Variants in SLC14A2 observed in about 807,000 individuals in gnomAD.
SLC14A2 encodes urea transporter 2.
A neutral mutation model predicts 104.6 loss-of-function variants in SLC14A2; 91 were observed. The ratio of observed to expected loss-of-function variants is 0.87; its 90% CI spans 0.73 to 1.04. The LOEUF is 1.04. Among genes scored for constraint, SLC14A2 ranks in the 50% least tolerant of loss-of-function variants. SLC14A2 has a pLI of 0.00. For missense variants in SLC14A2, 1,189 were observed against 1,156.0 expected (o/e 1.03, Z -0.41); for synonymous variants, 476 against 466.4 (o/e 1.02, Z -0.27).
chr18:45,331,237 A>T (rs1290371152), intron 1 of SLC14A2, among the ~76,000 whole-genome samples: 1 of 152,202 alleles, frequency 6.6e-6, no homozygotes, highest in Non-Finnish European at 1.5e-5. Flanking sequence ...AGTAAAACCT[A>T]AAGCCAAGTC....
At chr18:45,184,993 G>A in the SLC14A2 span, among the ~76,000 whole-genome samples, 8 of 152,146 alleles carry the variant, frequency 5.3e-5, no homozygotes, top group Non-Finnish European at 7.3e-5. Flanking sequence ...AAGGAAGGAC[G>A]TATGTGCTAG....
chr18:45,442,590 CCTTAT>C (rs2086698416), intron 1 of SLC14A2, among the ~76,000 whole-genome samples: 1 of 152,066 alleles, frequency 6.6e-6, no homozygotes, highest in Non-Finnish European at 1.5e-5. Flanking sequence ...TCCATTATAA[CCTTAT>C]CTTAACTCAT....
chr18:45,521,622 T>G (rs556985922), intron 2 of SLC14A2, among the ~76,000 whole-genome samples: 2 of 152,210 alleles, frequency 1.3e-5, no homozygotes, highest in Non-Finnish European at 2.9e-5. Flanking sequence ...TAAAATTACC[T>G]TTCGAGGAAA....
At chr18:45,212,629 C>A (rs538757000), upstream of SLC14A2, among the ~76,000 whole-genome samples, 1 of 152,130 alleles carries the variant, frequency 6.6e-6, no homozygotes, top group African/African-American at 2.4e-5. Flanking sequence ...TATAATCTAA[C>A]GCACATGTGT....
At chr18:45,622,591 A>G (rs1028284272) in intron 1 of SLC14A2, among the ~76,000 whole-genome samples, 2 of 152,182 alleles carry the variant, frequency 1.3e-5, no homozygotes, top group Admixed American at 6.5e-5. Flanking sequence ...GGGTAGGAGC[A>G]CCAGGGCTGA....
the SLC14A2 span, among the ~76,000 whole-genome samples, chr18:45,199,616 T>A: frequency 6.6e-6 from 1 of 152,192 alleles, no homozygotes; most frequent in African/African-American, 2.4e-5. Flanking sequence ...TTTCCTTGAA[T>A]AGGAACCTCT....
chr18:45,173,307 G>A, the SLC14A2 span, among the ~76,000 whole-genome samples: 2 of 152,028 alleles, frequency 1.3e-5, no homozygotes, highest in African/African-American at 4.8e-5. Flanking sequence ...TAGAAGCAAT[G>A]ACAATAACAA....
At chr18:45,354,737 A>G (rs557710029) in intron 1 of SLC14A2, among the ~76,000 whole-genome samples, 1 of 152,288 alleles carries the variant, frequency 6.6e-6, no homozygotes, top group African/African-American at 2.4e-5. Flanking sequence ...AAGTTTTCCA[A>G]ATTTCATGGT....
chr18:45,553,942 A>G (rs2044091369), intron 2 of SLC14A2, among the ~76,000 whole-genome samples: 2 of 152,254 alleles, frequency 1.3e-5, no homozygotes, highest in South Asian at 4.1e-4. Context: ...AACAACAGAA[A>G]GGCAATGGTG....
At chr18:45,542,702 C>G (rs1008795674) in intron 2 of SLC14A2, among the ~76,000 whole-genome samples, 8 of 152,078 alleles carry the variant, frequency 5.3e-5, no homozygotes, top group African/African-American at 1.7e-4. Context: ...AAATCTCTTA[C>G]TTCACAGATG....
chr18:45,244,079 GAGA>G (rs1264080156), intron 1 of SLC14A2, among the ~76,000 whole-genome samples: 3 of 152,220 alleles, frequency 2.0e-5, no homozygotes, highest in African/African-American at 7.2e-5. Context: ...CTGCAAGGCT[GAGA>G]GTCAAATCCT....
chr18:45,666,909 C>T, intron 12 of SLC14A2, 26 bp from the exon 13 acceptor site: 1 of 1,607,474 alleles, frequency 6.2e-7, no homozygotes, highest in Non-Finnish European at 8.5e-7. Flanking sequence ...ATGTGGGAGA[C>T]TCTTGCCTAT....
intron 3 of SLC14A2, 37 bp from the exon 4 acceptor site, chr18:45,626,921 C>G: frequency 6.4e-7 from 1 of 1,574,218 alleles, no homozygotes; most frequent in Non-Finnish European, 8.7e-7. Flanking sequence ...GCAGCCCAAG[C>G]TGGACCTGCT....
rs60977948 is a variant in SLC14A2 at position 45,542,035 on chromosome 18, G to GTTTTTTTTTTTTTTTTTTTTTTT, written c.-35+58728_-35+58750dup. Among the ~76,000 whole-genome samples the GTTTTTTTTTTTTTTTTTTTTTTT allele has an allele frequency of 3.1e-4, 17 of 54,234 alleles. 6 individuals carry two copies. Among genetic ancestry groups the GTTTTTTTTTTTTTTTTTTTTTTT allele is most frequent in the East Asian group, 1.7e-3 (2 of 1,204 alleles). 35.6% of individuals were successfully genotyped at this position (54,234 alleles called of 152,430 possible). On this transcript the variant is annotated intron_variant, in intron 2 of 20. Coordinates refer to the SLC14A2 transcript ENST00000586448. ...GGGCTTGTTAGATGAAAGAGAGAGGGTTTTTTTTTTTTTTTTTTTTTTTTT... is the reference window on the plus strand; with the variant it reads ...GGGCTTGTTAGATGAAAGAGAGAGGGTTTTTTTTTTTTTTTTTTTTTTTTTTTTTTTTTTTTTTTTTTTTTTTT...
chr18:45,642,714 C>A (rs2045551253), intron 8 of SLC14A2, among the ~76,000 whole-genome samples: 1 of 152,182 alleles, frequency 6.6e-6, no homozygotes, highest in Admixed American at 6.5e-5. Flanking sequence ...CAGCTGCTCA[C>A]AGTCTTGAAT....
Position 45,347,298 on chromosome 18 carries a change from T to A in SLC14A2, c.-125+134107T>A, listed in dbSNP as rs377152754. On this transcript the variant is annotated intron_variant, in intron 1 of 20. Coordinates refer to the SLC14A2 transcript ENST00000586448. ...TTGAGCCAGGGGACAGAGGTTGCAT[T>A]GAGTCAAGATTGTGCCACTGCACTC... Among the ~76,000 whole-genome samples, 8 of 152,088 alleles carry A rather than the reference T, an allele frequency of 5.3e-5. No homozygotes were observed. In the East Asian group the frequency reaches 1.2e-3, roughly 22 times the overall value.
chr18:45,663,982 C>G, intron 11 of SLC14A2, 75 bp downstream of exon 11: 1 of 1,454,090 alleles, frequency 6.9e-7, no homozygotes, highest in Non-Finnish European at 9.3e-7. Context: ...ATGGCAATAC[C>G]TACTTCACAG....
chr18:45,185,045 G>A, the SLC14A2 span, among the ~76,000 whole-genome samples: 4 of 152,170 alleles, frequency 2.6e-5, no homozygotes, highest in Non-Finnish European at 5.9e-5. Flanking sequence ...TAGGAGTGAG[G>A]AAAAGTGAGA....
At chr18:45,426,608 CTA>C (rs894699292) in intron 1 of SLC14A2, among the ~76,000 whole-genome samples, 7 of 145,710 alleles carry the variant, frequency 4.8e-5, no homozygotes, top group South Asian at 2.2e-4. Context: ...CATATATGTA[CTA>C]TATATATACA....
Sources: allele counts gnomAD v4.1 joint callset (sites outside exome capture counted in the v4.1 genomes callset), GRCh38; gene constraint gnomAD v4.1.1; transcripts MANE v1.5; gene names NCBI Gene and HGNC (gene_info 2026-07-23, HGNC 2026-07-21).